PBDC1: variants seen among roughly 807,000 people sequenced by gnomAD.
PBDC1 encodes protein PBDC1.
In PBDC1, 3 loss-of-function variants were observed where a neutral mutation model predicts 12.0. The observed-to-expected ratio is 0.25, with a 90% CI of 0.11 to 0.64. PBDC1 has a LOEUF of 0.64. Among genes scored for constraint, PBDC1 ranks in the 30% least tolerant of loss-of-function variants. The pLI is 0.84. For missense variants in PBDC1, 162 were observed against 168.1 expected (o/e 0.96, Z 0.20); for synonymous variants, 64 against 56.4 (o/e 1.13, Z -0.60).
chrX:76,174,064 A>G (rs1287319378), intron 2 of PBDC1, among the ~76,000 whole-genome samples: 1 of 112,369 alleles, frequency 8.9e-6, no homozygotes, highest in Non-Finnish European at 1.9e-5. Context: ...AAACAAGACA[A>G]GAGGATGTGA....
At chrX:76,173,475 G>C in intron 1 of PBDC1, 110 bp from the exon 2 acceptor site, 1 of 544,588 alleles carries the variant, frequency 1.8e-6, no homozygotes, top group Non-Finnish European at 2.9e-6. Flanking sequence ...CGCCCGCCTC[G>C]GCCTCCCAAA....
Position 76,173,065 on chromosome X carries a change from A to G in PBDC1, c.-74A>G, listed in dbSNP as rs1302964788. 9.3e-7 allele frequency: 1 copy of G among 1,074,546 alleles called. No homozygotes were observed. Among genetic ancestry groups the G allele is most frequent in the Admixed American group, 2.6e-5 (1 of 38,409 alleles). The allele number at this position is 1,074,546 out of a possible 1,213,427, so 88.6% of individuals were successfully genotyped here. A position where few individuals can be genotyped will look rare whatever the true frequency, so the allele number is the denominator to read the frequency against. On this transcript the variant is annotated 5_prime_UTR_variant, in exon 1 of 6. Transcript: ENST00000373358. ...AGGGAGAGCGCACGGTGGAGCCGCC[A>G]GTTGAGAAGGACTCTGATCCGGCTC...
chrX:76,176,128 T>G (rs1291923433), intron 4 of PBDC1, among the ~76,000 whole-genome samples: 1 of 100,039 alleles, frequency 1.0e-5, no homozygotes, highest in Non-Finnish European at 2.0e-5. Flanking sequence ...TTTTGTTTGT[T>G]TGTTTGTTTT....
rs782546549 is a variant in PBDC1 at position 76,173,622 on chromosome X, C to A, written c.68C>A (p.Ser23Tyr). 2 of 1,197,631 alleles carry A rather than the reference C, an allele frequency of 1.7e-6. No individual in the cohort carries two copies. The highest frequency in any genetic ancestry group is 2.3e-6 in the Non-Finnish European group (2 of 888,331). Reference protein sequence around the residue: ...GELVSVAHALSLPAESYGNDP... With the variant: ...GELVSVAHALYLPAESYGNDP... ...TTGGTGTCTGTGGCACATGCGCTTT[C>A]TCTCCCAGCAGAGTCGTATGGCAAC... Residue 23 changes from serine to tyrosine, a missense_variant, in exon 2 of 6, where the codon TCT (serine) becomes TAT (tyrosine). Around this residue, in one of 3 missense-constraint regions of PBDC1, gnomAD observed 41 missense variants for 28.5 expected, o/e 1.44. Transcript: ENST00000373358.
chrX:76,174,381 G>T (rs1924735515), intron 2 of PBDC1, among the ~76,000 whole-genome samples: 1 of 111,885 alleles, frequency 8.9e-6, no homozygotes. Flanking sequence ...TGGGGTGCTT[G>T]GTAAGACTTA....
chrX:76,177,999 T>A lies in PBDC1; in HGVS notation c.*91T>A, dbSNP rs1556797164. On this transcript the variant is annotated 3_prime_UTR_variant, in exon 6 of 6. Transcript: ENST00000373358. The stretch of plus-strand genomic sequence containing the variant: ...TTGCACAGACCCCTTTGGTTAAATG[T>A]AAATTCTTGTACAATTGAAGGATAC... The A allele has an allele frequency of 8.5e-7, 1 of 1,172,450 alleles. No individual in the cohort carries two copies. Among genetic ancestry groups the A allele is most frequent in the Non-Finnish European group, 1.1e-6 (1 of 879,322 alleles).
At chrX:76,174,480 A>G (rs1456420925) in intron 2 of PBDC1, among the ~76,000 whole-genome samples, 1 of 112,084 alleles carries the variant, frequency 8.9e-6, no homozygotes, top group African/African-American at 3.2e-5. Flanking sequence ...AATGATTATG[A>G]CATGCTTCAG....
Position 76,177,911 on chromosome X carries a change from T to A in PBDC1, c.*3T>A. 8.3e-7 allele frequency: 1 copy of A among 1,210,211 alleles called. No homozygotes were observed. Among genetic ancestry groups the A allele is most frequent in the Admixed American group, 2.2e-5 (1 of 45,901 alleles). On this transcript the variant is annotated 3_prime_UTR_variant, in exon 6 of 6. Transcript: ENST00000373358. ...AAAGTGGTGAAAAAGCTATGTAAGG[T>A]ATACAGGGAACAGCACTCTAGAAGC...
Position 76,178,076 on chromosome X carries a change from C to T in PBDC1, c.*168C>T. On this transcript the variant is annotated 3_prime_UTR_variant, in exon 6 of 6. Transcript: ENST00000373358. ...AGTCAGGAGCTGCTCTGGTCATTCC[C>T]TTGTATGAACTGGTCTAAAGACTGT... is the stretch of plus-strand genomic sequence containing the variant. 1.1e-6 allele frequency: 1 copy of T among 899,116 alleles called. No homozygotes were observed. The highest frequency in any genetic ancestry group is 2.8e-5 in the South Asian group (1 of 35,320). 74.1% of individuals were successfully genotyped at this position (899,116 alleles called of 1,213,427 possible). A position where few individuals can be genotyped will look rare whatever the true frequency, so the allele number is the denominator to read the frequency against.
intron 1 of PBDC1, among the ~76,000 whole-genome samples, chrX:76,173,377 C>A (rs1347051134): frequency 9.0e-6 from 1 of 111,043 alleles, no homozygotes; most frequent in African/African-American, 3.3e-5. Context: ...CGTGCCACCA[C>A]GCCCAGCTAC....
intron 3 of PBDC1, among the ~76,000 whole-genome samples, chrX:76,175,236 G>A (rs1347827596): frequency 2.7e-5 from 3 of 112,268 alleles, no homozygotes; most frequent in Non-Finnish European, 5.6e-5. Flanking sequence ...TCCACGGAGG[G>A]CAATAGCCAG....
At chrX:76,177,243 AT>A (rs1924815866) in intron 5 of PBDC1, among the ~76,000 whole-genome samples, 1 of 111,208 alleles carries the variant, frequency 9.0e-6, no homozygotes, top group African/African-American at 3.3e-5. Context: ...TTGTCAGTAG[AT>A]TTCCAGCATA....
intron 5 of PBDC1, 40 bp downstream of exon 5, chrX:76,177,032 A>C: frequency 1.1e-6 from 1 of 929,172 alleles, no homozygotes; most frequent in Non-Finnish European, 1.6e-6. Context: ...GTGTAAGGAG[A>C]CTGAACAGTC....
At chrX:76,175,388 A>C in intron 3 of PBDC1, 85 bp from the exon 4 acceptor site, 16 of 940,122 alleles carry the variant, frequency 1.7e-5, no homozygotes, top group Non-Finnish European at 2.4e-5. Context: ...CCTGAGAACC[A>C]TAAAGGTTTT....
rs781972823 is a variant in PBDC1 at position 76,177,623 on chromosome X, G to A, written c.417G>A (p.Arg139=). The change falls in exon 6 of 6, where the codon AGG becomes AGA. Residue 139 remains arginine (R), a synonymous_variant. Coordinates refer to ENST00000373358, the MANE Select transcript of PBDC1 (RefSeq NM_016500.5). ...ATTCTGTTCACTTTTCAGCCCCCAG[G>A]ATACAATTCTTTGCCATTGAAATTG... The part of the protein sequence containing the change: ...YTEENTIFAP[R]IQFFAIEIAR... 2.6e-6 allele frequency: 3 copies of A among 1,176,424 alleles called. No individual in the cohort carries two copies. The highest frequency in any genetic ancestry group is 3.9e-5 in the South Asian group (2 of 51,018).
chrX:76,174,829 A>G, intron 2 of PBDC1, 61 bp from the exon 3 acceptor site: 6 of 944,892 alleles, frequency 6.3e-6, no homozygotes, highest in Non-Finnish European at 9.2e-6. Flanking sequence ...TACTTCCTTA[A>G]TTTGCTATTC....
Position 76,176,946 on chromosome X carries a change from G to A in PBDC1, c.363G>A (p.Leu121=). 1 of 1,206,277 alleles carries A rather than the reference G, an allele frequency of 8.3e-7. No homozygotes were observed. The highest frequency in any genetic ancestry group is 1.8e-5 in the South Asian group (1 of 56,772). ...IVEDFNYGTL[L]RLDCSQGYTE... is the part of the protein sequence containing the mutation. The stretch of plus-strand genomic sequence containing the variant: ...AAGACTTCAACTATGGTACTTTGCT[G>A]CGACTAGATTGTTCTCAGGGCTACA... The change falls in exon 5 of 6, where the codon CTG becomes CTA. Residue 121 remains leucine (L), a synonymous_variant. Coordinates refer to ENST00000373358, the MANE Select transcript of PBDC1 (RefSeq NM_016500.5).
intron 2 of PBDC1, 84 bp downstream of exon 2, chrX:76,173,734 C>T (rs1379841206): frequency 1.4e-5 from 8 of 576,232 alleles, no homozygotes; most frequent in Non-Finnish European, 2.0e-5. Context: ...GTTATAACTT[C>T]ACGTCCTGAT....
Position 76,178,203 on chromosome X carries a change from T to C in PBDC1, c.*295T>C. 1 of 340,638 alleles carries C rather than the reference T, an allele frequency of 2.9e-6. No individual in the cohort carries two copies. Among genetic ancestry groups the C allele is most frequent in the East Asian group, 4.4e-5 (1 of 22,694 alleles). The allele number at this position is 340,638 out of a possible 1,213,427, so 28.1% of individuals were successfully genotyped here. ...TAAATTTCTTTTGGTTCTTATTATC[T>C]ATATCTGTGACTGACTTTAAAAAGG... On this transcript the variant is annotated 3_prime_UTR_variant, in exon 6 of 6. Transcript: ENST00000373358.
Sources: gnomAD v4.1 joint callset for allele counts (sites outside exome capture counted in the v4.1 genomes callset) on GRCh38, gnomAD v4.1.1 for gene constraint, gnomAD v4.1.1 regional missense constraint, MANE v1.5 for transcripts, NCBI Gene and HGNC (gene_info 2026-07-23, HGNC 2026-07-21) for gene names.